RPS6KC1: variants seen among roughly 807,000 people sequenced by gnomAD.
RPS6KC1 encodes the protein ribosomal protein S6 kinase C1, also known as inactive ribosomal protein S6 kinase delta-1.
In RPS6KC1, 54 loss-of-function variants were observed where a neutral mutation model predicts 103.8. The ratio of observed to expected loss-of-function variants is 0.52; its 90% CI spans 0.42 to 0.65. RPS6KC1 has a LOEUF of 0.65. RPS6KC1 is among the 30% of genes least tolerant of loss of function. The pLI is 0.00. For synonymous variants in RPS6KC1, 439 were observed against 438.7 expected, an observed-to-expected ratio of 1.00 and a Z score of -0.01; for missense variants, 1,151 against 1,253.8, an observed-to-expected ratio of 0.92 and a Z score of 1.24.
At chr1:213,347,727 A>G in the RPS6KC1 span, among the ~76,000 whole-genome samples, 1 of 152,300 alleles carries the variant, frequency 6.6e-6, no homozygotes, top group African/African-American at 2.4e-5. Context: ...AATAAAATGT[A>G]TGGGTAATTA....
In RPS6KC1 at chr1:213,274,318, T is replaced by G. The variant is rs373608381; in HGVS notation, c.*1684T>G. ...GACTAGTAGGAAATCTGCAAGTACT[T>G]AGAGCTGGCCATTACAGAACTTCCT... is the stretch of plus-strand genomic sequence containing the variant. On this transcript the variant is annotated 3_prime_UTR_variant, in exon 15 of 15. Coordinates refer to ENST00000366960, the MANE Select transcript of RPS6KC1 (RefSeq NM_012424.6). 1 of 152,194 alleles carries G rather than the reference T, an allele frequency of 6.6e-6. No individual in the cohort carries two copies. The allele number at this position is 152,194 out of a possible 1,614,324, so 9.4% of individuals were successfully genotyped here.
the RPS6KC1 span, among the ~76,000 whole-genome samples, chr1:213,686,236 T>A: frequency 6.6e-6 from 1 of 152,362 alleles, no homozygotes; most frequent in East Asian, 1.9e-4. Context: ...TTGTAGGCCT[T>A]CTTTGGCAGT....
At chr1:213,333,132 T>C in the RPS6KC1 span, among the ~76,000 whole-genome samples, 3 of 152,222 alleles carry the variant, frequency 2.0e-5, no homozygotes, top group African/African-American at 7.2e-5. Flanking sequence ...CTTGGGCTAA[T>C]AGTTATGTAT....
In RPS6KC1 at chr1:213,123,320, A is replaced by G. The variant is rs564691132; in HGVS notation, c.472+5910A>G. Among the ~76,000 whole-genome samples the G allele has an allele frequency of 6.1e-4, 93 of 152,308 alleles. No individual in the cohort carries two copies. The Middle Eastern group carries it at 0.017, about 28-fold the overall frequency. ...GAGTATAAAGTTCATTTGGCAAAAA[A>G]TGAAGCCAAGTGATGGATCTTTATT... On this transcript the variant is annotated intron_variant, in intron 5 of 14. Transcript: ENST00000366960.
chr1:213,483,447 A>G, the RPS6KC1 span, among the ~76,000 whole-genome samples: 2 of 152,246 alleles, frequency 1.3e-5, no homozygotes. Context: ...AAAGTTTTGG[A>G]CATAATAAAA....
chr1:213,057,946 T>A (rs1431214257), intron 1 of RPS6KC1, among the ~76,000 whole-genome samples: 1 of 151,334 alleles, frequency 6.6e-6, no homozygotes, highest in African/African-American at 2.4e-5. Flanking sequence ...TTGTATTTTT[T>A]AAATAGAGAC....
At chr1:213,602,124 T>TCTCTCTCTC in the RPS6KC1 span, among the ~76,000 whole-genome samples, 13 of 41,038 alleles carry the variant, frequency 3.2e-4, no homozygotes, top group African/African-American at 1.4e-3. Flanking sequence ...TTCTTTCTCT[T>TCTCTCTCTC]TCTTTCTTTC....
chr1:213,343,418 T>C, the RPS6KC1 span, among the ~76,000 whole-genome samples: 1 of 41,928 alleles, frequency 2.4e-5, no homozygotes, highest in Non-Finnish European at 5.6e-5. Context: ...TATATATATA[T>C]ATATATATAT....
At chr1:213,468,383 A>G in the RPS6KC1 span, among the ~76,000 whole-genome samples, 1 of 152,214 alleles carries the variant, frequency 6.6e-6, no homozygotes, top group Non-Finnish European at 1.5e-5. Context: ...GCTATGTCCA[A>G]TTTCTAGTCC....
At chr1:213,613,596 C>G in the RPS6KC1 span, among the ~76,000 whole-genome samples, 2 of 152,216 alleles carry the variant, frequency 1.3e-5, no homozygotes, top group African/African-American at 4.8e-5. Context: ...AAAAATGTAT[C>G]TATTATCCTC....
chr1:213,362,625 A>C, the RPS6KC1 span, among the ~76,000 whole-genome samples: 1,226 of 152,332 alleles, frequency 8.0e-3, 15 homozygotes, highest in African/African-American at 0.027. Context: ...TATATCGTTA[A>C]GTCCTGGGGG....
At chr1:213,736,243 G>A in the RPS6KC1 span, among the ~76,000 whole-genome samples, 1 of 152,120 alleles carries the variant, frequency 6.6e-6, no homozygotes. Flanking sequence ...AACTTAACAG[G>A]GTCCTCTAGT....
chr1:213,808,188 TG>T, the RPS6KC1 span, among the ~76,000 whole-genome samples: 41,977 of 151,868 alleles, frequency 0.28, 9,520 homozygotes, highest in African/African-American at 0.61. Context: ...CTGCCCCTAC[TG>T]GGGGGGTGCC....
the RPS6KC1 span, among the ~76,000 whole-genome samples, chr1:213,463,158 C>G: frequency 6.6e-6 from 1 of 152,202 alleles, no homozygotes; most frequent in Non-Finnish European, 1.5e-5. Context: ...AGCTGAAACT[C>G]CATCATACTG....
chr1:213,568,350 A>G, the RPS6KC1 span, among the ~76,000 whole-genome samples: 1 of 152,166 alleles, frequency 6.6e-6, no homozygotes, highest in South Asian at 2.1e-4. Context: ...TTTCCATGGG[A>G]GGCTGGACTA....
chr1:213,760,643 A>G, the RPS6KC1 span, among the ~76,000 whole-genome samples: 4 of 152,216 alleles, frequency 2.6e-5, no homozygotes, highest in African/African-American at 9.6e-5. Flanking sequence ...GACAAACAAC[A>G]TTAGTAATCA....
At chr1:213,833,554 T>A in the RPS6KC1 span, among the ~76,000 whole-genome samples, 2,780 of 152,288 alleles carry the variant, frequency 0.018, 82 homozygotes, top group African/African-American at 0.064. Flanking sequence ...TGACTCCTCA[T>A]CCTCCACATC....
chr1:213,545,605 C>G, the RPS6KC1 span, among the ~76,000 whole-genome samples: 1 of 151,756 alleles, frequency 6.6e-6, no homozygotes, highest in African/African-American at 2.4e-5. Context: ...ACCTTCATGA[C>G]CTCATTTTAG....
At chr1:213,828,496 A>G in the RPS6KC1 span, among the ~76,000 whole-genome samples, 1 of 152,206 alleles carries the variant, frequency 6.6e-6, no homozygotes, top group South Asian at 2.1e-4. Flanking sequence ...TTATAAATAA[A>G]CAGAATAATC....
Sources: gnomAD v4.1 joint callset for allele counts (sites outside exome capture counted in the v4.1 genomes callset) on GRCh38, gnomAD v4.1.1 for gene constraint, MANE v1.5 for transcripts, NCBI Gene and HGNC (gene_info 2026-07-23, HGNC 2026-07-21) for gene names.